Variants in H3-3A observed in about 807,000 individuals in gnomAD.
H3-3A encodes the protein histone H3.3.
For synonymous variants in H3-3A, 49 were observed against 61.4 expected, an observed-to-expected ratio of 0.80 and a Z score of 0.95; for missense variants, 7 against 184.0, an observed-to-expected ratio of 0.04 and a Z score of 5.57.
intron 3 of H3-3A, 198 bp downstream of exon 3, chr1:226,066,007 C>A: frequency 1.7e-6 from 1 of 605,660 alleles, no homozygotes; most frequent in Non-Finnish European, 3.0e-6. Flanking sequence ...ATAATTTGAA[C>A]CTATTTGACT....
intron 2 of H3-3A, 109 bp from the exon 3 acceptor site, chr1:226,065,547 G>T: frequency 1.4e-6 from 1 of 706,138 alleles, no homozygotes; most frequent in Non-Finnish European, 2.3e-6. Context: ...CTGAAGAATT[G>T]TTGGGTGGCT....
At chr1:226,066,553 A>T (rs184595486) in intron 3 of H3-3A, 1 of 152,350 alleles carries the variant, frequency 6.6e-6, no homozygotes, top group Non-Finnish European at 1.5e-5. Context: ...TGAAATTCCT[A>T]CAAGATACTT....
At chr1:226,062,478 C>T (rs1657744501), upstream of H3-3A, among the ~76,000 whole-genome samples, 1 of 148,918 alleles carries the variant, frequency 6.7e-6, no homozygotes, top group Non-Finnish European at 1.5e-5. Context: ...GGCCCCTCAG[C>T]GTGTCTTTTG....
chr1:226,062,266 C>A (rs1459008135), upstream of H3-3A, among the ~76,000 whole-genome samples: 1 of 150,230 alleles, frequency 6.7e-6, no homozygotes, highest in South Asian at 2.1e-4. Context: ...TCCCTCCCCT[C>A]CCCGCCGCGG....
intron 3 of H3-3A, among the ~76,000 whole-genome samples, chr1:226,067,875 G>A (rs1034090924): frequency 6.6e-6 from 1 of 152,202 alleles, no homozygotes; most frequent in Admixed American, 6.5e-5. Flanking sequence ...CTAAAGGATA[G>A]CAGGCAGTCC....
At chr1:226,066,479 GA>G in intron 3 of H3-3A, 1 of 152,310 alleles carries the variant, frequency 6.6e-6, no homozygotes, top group African/African-American at 2.4e-5. Flanking sequence ...AGGACTTAGA[GA>G]AATACTGTTC....
At chr1:226,067,743 C>A (rs1341190676) in intron 3 of H3-3A, among the ~76,000 whole-genome samples, 2 of 146,304 alleles carry the variant, frequency 1.4e-5, no homozygotes. Flanking sequence ...ACTCTTGTCT[C>A]AAAAAAAAAA....
At chr1:226,065,511 T>C (rs756221424) in intron 2 of H3-3A, 145 bp from the exon 3 acceptor site, 1 of 565,190 alleles carries the variant, frequency 1.8e-6, no homozygotes, top group Non-Finnish European at 3.2e-6. Flanking sequence ...ACATCTTAAG[T>C]TGATCAGTGA....
At chr1:226,068,847 A>G (rs754648975) in intron 3 of H3-3A, among the ~76,000 whole-genome samples, 1 of 152,246 alleles carries the variant, frequency 6.6e-6, no homozygotes, top group Admixed American at 6.5e-5. Context: ...CTGCACTGGC[A>G]ACAGGAGCAA....
intron 3 of H3-3A, among the ~76,000 whole-genome samples, chr1:226,069,151 A>G (rs897555057): frequency 2.0e-5 from 3 of 151,798 alleles, no homozygotes; most frequent in Admixed American, 6.6e-5. Flanking sequence ...GGTTCAAGCA[A>G]TTCTCCTGTC....
At chr1:226,068,568 T>A (rs984585830) in intron 3 of H3-3A, among the ~76,000 whole-genome samples, 3 of 152,236 alleles carry the variant, frequency 2.0e-5, no homozygotes, top group African/African-American at 7.2e-5. Flanking sequence ...TTTCCAGGAT[T>A]TCTACCCACT....
At chr1:226,064,295 C>T (rs1426373395) in intron 1 of H3-3A, 34 bp from the exon 2 acceptor site, 33 of 1,523,604 alleles carry the variant, frequency 2.2e-5, no homozygotes, top group Admixed American at 5.3e-5. Flanking sequence ...TTGGTAGTTG[C>T]ATATGGTGAT....
chr1:226,067,881 A>C (rs2072430390), intron 3 of H3-3A, among the ~76,000 whole-genome samples: 1 of 152,266 alleles, frequency 6.6e-6, no homozygotes, highest in East Asian at 1.9e-4. Flanking sequence ...GATAGCAGGC[A>C]GTCCAGTGAG....
intron 1 of H3-3A, 51 bp from the exon 2 acceptor site, chr1:226,064,275 AGTT>A: frequency 7.7e-7 from 1 of 1,292,880 alleles, no homozygotes; most frequent in Non-Finnish European, 1.1e-6. Flanking sequence ...TGGCAGGAAA[AGTT>A]GTATGTTTGG....
chr1:226,065,914 G>A (rs1325120465), intron 3 of H3-3A, 105 bp downstream of exon 3: 1 of 880,518 alleles, frequency 1.1e-6, no homozygotes, highest in Non-Finnish European at 1.9e-6. Flanking sequence ...AAGCCTGTCA[G>A]GTAGTTGATA....
intron 3 of H3-3A, among the ~76,000 whole-genome samples, chr1:226,070,642 G>A (rs969204333): frequency 5.3e-5 from 8 of 151,704 alleles, no homozygotes; most frequent in Non-Finnish European, 7.4e-5. Context: ...GCATGGTGGC[G>A]CATACCTGTA....
intron 2 of H3-3A, among the ~76,000 whole-genome samples, chr1:226,064,836 C>T (rs1657870509): frequency 6.6e-6 from 1 of 152,004 alleles, no homozygotes; most frequent in South Asian, 2.1e-4. Context: ...GTTATCTTTC[C>T]TAGTTTTTGG....
intron 2 of H3-3A, 61 bp from the exon 3 acceptor site, chr1:226,065,595 C>A: frequency 8.1e-7 from 1 of 1,237,784 alleles, no homozygotes; most frequent in Non-Finnish European, 1.1e-6. Flanking sequence ...TTGAAGCTGC[C>A]CACTTACCTT....
chr1:226,069,454 C>T (rs1658032138), intron 3 of H3-3A, among the ~76,000 whole-genome samples: 1 of 152,146 alleles, frequency 6.6e-6, no homozygotes. Flanking sequence ...GGAGAGAGAG[C>T]CAACTAACCT....
Sources: allele counts gnomAD v4.1 joint callset (sites outside exome capture counted in the v4.1 genomes callset), GRCh38; gene constraint gnomAD v4.1.1; transcripts MANE v1.5; gene names NCBI Gene and HGNC (gene_info 2026-07-23, HGNC 2026-07-21).